ADGRG4: variants seen among roughly 807,000 people sequenced by gnomAD.
The protein encoded by ADGRG4 is G protein-coupled receptor 112.
In ADGRG4, 122 loss-of-function variants were observed where a neutral mutation model predicts 126.2. The ratio of observed to expected loss-of-function variants is 0.97; its 90% CI spans 0.83 to 1.12. ADGRG4 has a LOEUF of 1.12. Ranked by LOEUF, ADGRG4 falls within the 50% of genes most tolerant of loss-of-function variation. ADGRG4 has a pLI of 0.00. For synonymous variants in ADGRG4, 943 were observed against 838.7 expected (o/e 1.12, Z -2.15); for missense variants, 2,481 against 2,251.8 (o/e 1.10, Z -2.06).
At chrX:136,315,613 C>G (rs1306192148) in intron 4 of ADGRG4, among the ~76,000 whole-genome samples, 1 of 110,600 alleles carries the variant, frequency 9.0e-6, no homozygotes, top group East Asian at 2.8e-4. Context: ...GGGTTCTGAG[C>G]CCTACACAGT....
intron 4 of ADGRG4, among the ~76,000 whole-genome samples, chrX:136,310,190 C>T (rs779800421): frequency 1.8e-5 from 2 of 110,291 alleles, no homozygotes; most frequent in East Asian, 2.8e-4. Flanking sequence ...CTCTGTTGCC[C>T]AGGCTGGAGT....
chrX:136,359,266 T>C, intron 10 of ADGRG4, 26 bp from the exon 11 acceptor site: 1 of 1,177,868 alleles, frequency 8.5e-7, no homozygotes. Flanking sequence ...ACTGCAACAA[T>C]CTTTCTTTTT....
chrX:136,332,123 T>G (rs1445002649), intron 5 of ADGRG4, among the ~76,000 whole-genome samples: 2 of 108,161 alleles, frequency 1.8e-5, no homozygotes, highest in Non-Finnish European at 3.8e-5. Flanking sequence ...TCATCTAGCA[T>G]TAGGTATATC....
At chrX:136,343,562 A>G (rs2074992535) in intron 5 of ADGRG4, among the ~76,000 whole-genome samples, 1 of 111,571 alleles carries the variant, frequency 9.0e-6, no homozygotes, top group Non-Finnish European at 1.9e-5. Flanking sequence ...AAATGAGTGG[A>G]CAGAGAAGTA....
At position 136,350,383 on chromosome X, in the gene ADGRG4, CCTTT is replaced by C; in HGVS notation, c.6680_6683del (p.Phe2227TyrfsTer23). 1 of 1,210,547 alleles carries C rather than the reference CCTTT, an allele frequency of 8.3e-7. No homozygotes were observed. Among genetic ancestry groups the C allele is most frequent in the Non-Finnish European group, 1.1e-6 (1 of 894,813 alleles). On this transcript the variant is annotated frameshift_variant, in exon 6 of 26. Coordinates refer to ENST00000394143, the MANE Select transcript of ADGRG4 (RefSeq NM_153834.4). LOFTEE classifies it high-confidence loss of function. ...ACAACTTGGCTGGACTCCACACCTT[CCTTT>C]CTATCTACGGAAGCATCGACTTCGC...
At position 136,349,900 on chromosome X, in the gene ADGRG4, G is replaced by A. The variant is rs761328799; in HGVS notation, c.6194G>A (p.Ser2065Asn). ...ACAACACTACCCTCTGCTACTATGA[G>A]CACCATACTCACCCGAACCATTCCT... ...NLTTLPSATM[S>N]TILTRTIPTP... The change falls in exon 6 of 26, where the codon AGC (serine) becomes AAC (asparagine). Residue 2065 changes from serine to asparagine, a missense_variant. Coordinates refer to ENST00000394143, the MANE Select transcript of ADGRG4 (RefSeq NM_153834.4). 2 of 1,210,619 alleles carry A rather than the reference G, an allele frequency of 1.7e-6. No individual in the cohort carries two copies. Among genetic ancestry groups the A allele is most frequent in the Admixed American group, 4.4e-5 (2 of 45,973 alleles).
chrX:136,310,436 T>G (rs993237020), intron 4 of ADGRG4, among the ~76,000 whole-genome samples: 1 of 111,344 alleles, frequency 9.0e-6, no homozygotes, highest in Admixed American at 9.6e-5. Context: ...GTCAAACAAG[T>G]TTTTTTTGTA....
intron 17 of ADGRG4, 40 bp downstream of exon 17, chrX:136,392,394 G>C: frequency 9.2e-7 from 1 of 1,086,214 alleles, no homozygotes; most frequent in Non-Finnish European, 1.2e-6. Flanking sequence ...AATGGCCTCA[G>C]GAACTCTTCA....
chrX:136,395,733 A>G (rs185927037), intron 19 of ADGRG4, among the ~76,000 whole-genome samples: 61 of 111,847 alleles, frequency 5.5e-4, no homozygotes, highest in African/African-American at 1.9e-3. Context: ...CCTCCCTCCC[A>G]AGTGATCACC....
chrX:136,310,118 T>C (rs2074758547), intron 4 of ADGRG4, among the ~76,000 whole-genome samples: 1 of 110,663 alleles, frequency 9.0e-6, no homozygotes, highest in South Asian at 3.9e-4. Flanking sequence ...GCGAGGAATG[T>C]CACCACTCAG....
chrX:136,329,603 G>A lies in ADGRG4; in HGVS notation c.685+6211G>A, dbSNP rs1056235338. On this transcript the variant is annotated intron_variant, in intron 5 of 25. Coordinates refer to ENST00000394143, the MANE Select transcript of ADGRG4 (RefSeq NM_153834.4). ...CCAAGGATGGAGGCCTGACCTCATGGCTTCTGTCCAATGTGAATAGATGGA... is the reference window on the plus strand; with the variant it reads ...CCAAGGATGGAGGCCTGACCTCATGACTTCTGTCCAATGTGAATAGATGGA... Among the ~76,000 whole-genome samples, 4 of 111,622 alleles carry A rather than the reference G, an allele frequency of 3.6e-5. No homozygotes were observed. The South Asian group carries it at 1.5e-3, about 42-fold the overall frequency.
chrX:136,386,726 T>C (rs1450697375), intron 15 of ADGRG4, among the ~76,000 whole-genome samples: 1 of 111,849 alleles, frequency 8.9e-6, no homozygotes, highest in Non-Finnish European at 1.9e-5. Flanking sequence ...ACATATTCTG[T>C]TTTGTATGGG....
At position 136,400,135 on chromosome X, in the gene ADGRG4, G is replaced by T. The variant is rs904136834; in HGVS notation, c.8575+19G>T. The T allele has an allele frequency of 5.4e-6, 6 of 1,109,052 alleles. No individual in the cohort carries two copies. Among genetic ancestry groups the T allele is most frequent in the Non-Finnish European group, 7.4e-6 (6 of 808,685 alleles). The allele number at this position is 1,109,052 out of a possible 1,213,427, so 91.4% of individuals were successfully genotyped here. A position where few individuals can be genotyped will look rare whatever the true frequency, so the allele number is the denominator to read the frequency against. Reference sequence around the variant, plus strand: ...GGTTGGGGTAAGTATATCTGCCATTGTTTTTGATATTTATGTCTTAAGTCT... The same window carrying T: ...GGTTGGGGTAAGTATATCTGCCATTTTTTTTGATATTTATGTCTTAAGTCT... On this transcript the variant is annotated intron_variant, in intron 21 of 25. Transcript: ENST00000394143.
chrX:136,357,583 C>T (rs897588190), intron 9 of ADGRG4, 121 bp from the exon 10 acceptor site: 24 of 500,762 alleles, frequency 4.8e-5, no homozygotes, highest in African/African-American at 7.2e-5. Flanking sequence ...AGTTTGCAGA[C>T]GGCAATGAGT....
chrX:136,332,289 AATG>A (rs1440323074), intron 5 of ADGRG4, among the ~76,000 whole-genome samples: 11 of 106,603 alleles, frequency 1.0e-4, no homozygotes, highest in African/African-American at 3.8e-4. Context: ...GTTTACTGAG[AATG>A]ATGATTTCCA....
intron 23 of ADGRG4, among the ~76,000 whole-genome samples, chrX:136,406,835 A>G (rs1271584460): frequency 9.1e-6 from 1 of 109,852 alleles, no homozygotes; most frequent in Non-Finnish European, 1.9e-5. Context: ...GAATTGCTCA[A>G]ACTCTGGGAG....
intron 12 of ADGRG4, among the ~76,000 whole-genome samples, chrX:136,362,071 A>G (rs887193622): frequency 3.6e-5 from 4 of 111,886 alleles, no homozygotes; most frequent in Non-Finnish European, 5.6e-5. Context: ...TTGATGGGCT[A>G]TAGTAATTTA....
At position 136,322,989 on chromosome X, in the gene ADGRG4, A is replaced by T; in HGVS notation, c.282A>T (p.Gly94=). Residue 94 remains glycine (G), a synonymous_variant, in exon 5 of 26, where the codon GGA becomes GGT. Transcript: ENST00000394143. ...GREDIDLGLA[G]DHQQLILYRL... ...AAGACATAGACCTTGGACTTGCAGG[A>T]GACCATCAGCAGCTAATACTATACA... is the stretch of plus-strand genomic sequence containing the variant. 8.3e-7 allele frequency: 1 copy of T among 1,211,987 alleles called. No homozygotes were observed. The highest frequency in any genetic ancestry group is 1.1e-6 in the Non-Finnish European group (1 of 895,427).
At chrX:136,338,598 A>AT (rs1327328695) in intron 5 of ADGRG4, among the ~76,000 whole-genome samples, 8 of 111,780 alleles carry the variant, frequency 7.2e-5, no homozygotes, top group Admixed American at 1.9e-4. Context: ...CTGAGATTCT[A>AT]TTTTTTGCAT....
Sources: gnomAD v4.1 joint callset for allele counts (sites outside exome capture counted in the v4.1 genomes callset) on GRCh38, gnomAD v4.1.1 for gene constraint, MANE v1.5 for transcripts, NCBI Gene and HGNC (gene_info 2026-07-23, HGNC 2026-07-21) for gene names.